Variants in NALCN observed in about 807,000 individuals in gnomAD.
NALCN encodes the protein sodium leak channel, non-selective.
In NALCN, 111 loss-of-function variants were observed where a neutral mutation model predicts 225.3. The ratio of observed to expected loss-of-function variants is 0.49; its 90% CI spans 0.42 to 0.58. The LOEUF (loss-of-function observed/expected upper bound fraction) is 0.58. NALCN is among the 20% of genes least tolerant of loss of function. The probability of loss-of-function intolerance (pLI) is 0.00; values close to 1 mark genes in which losing one functional copy is unlikely to be tolerated. For missense variants in NALCN, 1,378 were observed against 2,202.4 expected (o/e 0.63, Z 7.49); for synonymous variants, 764 against 769.0 (o/e 0.99, Z 0.11).
intron 15 of NALCN, among the ~76,000 whole-genome samples, chr13:101,162,898 A>G (rs1018220937): frequency 2.0e-5 from 3 of 152,058 alleles, no homozygotes; most frequent in Admixed American, 2.0e-4. Flanking sequence ...AAATCCCACT[A>G]TATTTTATTT....
chr13:101,089,582 G>C lies in NALCN; in HGVS notation c.3489+81C>G. ...TTACAGTTTAAAGCGGCTTCACGCC[G>C]CGTGTGAAAAGAAACAAATAGCTCA... is the stretch of plus-strand genomic sequence containing the variant. On this transcript the variant is annotated intron_variant, in intron 30 of 43. Coordinates refer to ENST00000251127, the MANE Select transcript of NALCN (RefSeq NM_052867.4). This position sits in a 1 kb window ranked among gnomAD's most constrained non-coding sequence, Gnocchi z 4.7. The C allele has an allele frequency of 3.2e-6, 4 of 1,258,062 alleles. No homozygotes were observed. Among genetic ancestry groups the C allele is most frequent in the Non-Finnish European group, 3.4e-6 (3 of 876,088 alleles). 77.9% of individuals were successfully genotyped at this position (1,258,062 alleles called of 1,614,324 possible). A position where few individuals can be genotyped will look rare whatever the true frequency, so the allele number is the denominator to read the frequency against.
intron 41 of NALCN, 124 bp downstream of exon 41, chr13:101,061,844 A>T: frequency 1.2e-6 from 1 of 864,294 alleles, no homozygotes; most frequent in Non-Finnish European, 1.7e-6. Flanking sequence ...CATAGTTTAA[A>T]GGGATAGAAG....
intron 7 of NALCN, among the ~76,000 whole-genome samples, chr13:101,333,128 A>C (rs745423189): frequency 2.0e-5 from 3 of 152,218 alleles, no homozygotes; most frequent in Non-Finnish European, 2.9e-5. Flanking sequence ...ACTGTGAGAA[A>C]GTATCTCCTA....
At chr13:101,097,863 T>C (rs1151378) in intron 27 of NALCN, among the ~76,000 whole-genome samples, 8,766 of 152,200 alleles carry the variant, frequency 0.058, 749 homozygotes, top group African/African-American at 0.19. Flanking sequence ...GGGAATGAAA[T>C]TAACACTCAC....
In NALCN at chr13:101,171,742, G is replaced by A. The variant is rs184210113; in HGVS notation, c.1839+4558C>T. 1.3e-4 allele frequency among the ~76,000 whole-genome samples: 20 copies of A among 152,224 alleles called. 1 individual carries two copies. In the East Asian group the frequency reaches 3.9e-3, roughly 29 times the overall value. ...ACTGGTGATGTCTTGGAGAGGCGGTGATGGGAATAAACACACCAGAGCCTC... is the reference window on the plus strand; with the variant it reads ...ACTGGTGATGTCTTGGAGAGGCGGTAATGGGAATAAACACACCAGAGCCTC... On this transcript the variant is annotated intron_variant, in intron 15 of 43. Transcript: ENST00000251127.
chr13:101,307,359 C>G (rs546379319), intron 7 of NALCN, among the ~76,000 whole-genome samples: 2 of 152,202 alleles, frequency 1.3e-5, no homozygotes, highest in South Asian at 4.1e-4. Context: ...TCCTGTTACA[C>G]ACCAGGCCTT....
chr13:101,393,265 C>T (rs1035845553), intron 3 of NALCN, among the ~76,000 whole-genome samples: 4 of 152,144 alleles, frequency 2.6e-5, no homozygotes, highest in Non-Finnish European at 5.9e-5. Context: ...AGTGGATTAC[C>T]GTTTCCCACC....
intron 7 of NALCN, among the ~76,000 whole-genome samples, chr13:101,332,327 A>T (rs1445959925): frequency 1.3e-5 from 2 of 151,422 alleles, no homozygotes; most frequent in Non-Finnish European, 2.9e-5. Context: ...ATAAGACAGC[A>T]AAGACAAAGG....
chr13:101,060,316 C>T (rs1319244397), intron 41 of NALCN, among the ~76,000 whole-genome samples: 4 of 120,704 alleles, frequency 3.3e-5, no homozygotes, highest in Non-Finnish European at 6.5e-5. Flanking sequence ...CACTATGTCC[C>T]GTAGACTAGA....
intron 33 of NALCN, among the ~76,000 whole-genome samples, chr13:101,082,039 G>C: frequency 6.6e-6 from 1 of 151,970 alleles, no homozygotes; most frequent in Admixed American, 6.6e-5. Flanking sequence ...AACCACTCCT[G>C]GCTAATTTTT....
At chr13:101,362,673 C>A (rs977243437) in intron 6 of NALCN, among the ~76,000 whole-genome samples, 2 of 152,030 alleles carry the variant, frequency 1.3e-5, no homozygotes, top group Non-Finnish European at 2.9e-5. Context: ...CTGCTAAGAT[C>A]TGGAACAAGA....
intron 43 of NALCN, 40 bp from the exon 44 acceptor site, chr13:101,055,528 T>C: frequency 6.4e-7 from 1 of 1,571,828 alleles, no homozygotes; most frequent in Non-Finnish European, 8.7e-7. Flanking sequence ...TTGGTATTGC[T>C]TCACCCTATT....
intron 40 of NALCN, among the ~76,000 whole-genome samples, 196 bp from the exon 41 acceptor site, chr13:101,062,314 TGATA>T (rs1263901701): frequency 3.3e-5 from 5 of 152,116 alleles, no homozygotes; most frequent in Admixed American, 6.6e-5. Flanking sequence ...AAAACAAAGA[TGATA>T]GATAGTCCTG....
intron 12 of NALCN, among the ~76,000 whole-genome samples, chr13:101,232,235 A>C (rs904548027): frequency 6.6e-6 from 1 of 152,106 alleles, no homozygotes; most frequent in East Asian, 1.9e-4. Context: ...TTTAACAGGA[A>C]GTATCAGTGG....
In NALCN at chr13:101,292,326, T is replaced by C; in HGVS notation, c.840A>G (p.Glu280=). 6.2e-7 allele frequency: 1 copy of C among 1,614,108 alleles called. No homozygotes were observed. The highest frequency in any genetic ancestry group is 8.5e-7 in the Non-Finnish European group (1 of 1,180,022). ...IFTVYEAASQ[E]GWVFLMYRAI... The stretch of plus-strand genomic sequence containing the variant: ...CTCTGTACATGAGGAACACCCAGCC[T>C]TCCTGTGAGGCGGCCTCATAGACGG... The change falls in exon 8 of 44, where the codon GAA becomes GAG. Residue 280 remains glutamate (E), a synonymous_variant. Coordinates refer to ENST00000251127, the MANE Select transcript of NALCN (RefSeq NM_052867.4). The surrounding 1 kb of genome is among the most constrained non-coding windows in gnomAD (Gnocchi z 4.3).
intron 7 of NALCN, among the ~76,000 whole-genome samples, chr13:101,294,444 A>T (rs1382209987): frequency 6.6e-6 from 1 of 152,166 alleles, no homozygotes; most frequent in African/African-American, 2.4e-5. Flanking sequence ...GTACCCCATA[A>T]ATATGTACAA....
intron 14 of NALCN, among the ~76,000 whole-genome samples, chr13:101,179,987 T>C (rs1244059025): frequency 6.6e-6 from 1 of 152,160 alleles, no homozygotes; most frequent in Non-Finnish European, 1.5e-5. Context: ...AGGCTTTCTC[T>C]CTGTGTCTTG....
At chr13:101,130,491 T>C (rs2036465880) in intron 17 of NALCN, among the ~76,000 whole-genome samples, 1 of 152,226 alleles carries the variant, frequency 6.6e-6, no homozygotes, top group Non-Finnish European at 1.5e-5. Context: ...TTAGGTTATC[T>C]GAGGCATGTT....
chr13:101,193,650 T>C (rs1413244), intron 13 of NALCN, among the ~76,000 whole-genome samples: 40,608 of 152,052 alleles, frequency 0.27, 5,856 homozygotes, highest in African/African-American at 0.37. Flanking sequence ...ATTTTTCTTG[T>C]TATGGTGCCC....
Sources: allele counts gnomAD v4.1 joint callset (sites outside exome capture counted in the v4.1 genomes callset), GRCh38; gene constraint gnomAD v4.1.1; non-coding constraint Gnocchi (gnomAD v3.1); transcripts MANE v1.5; gene names NCBI Gene and HGNC (gene_info 2026-07-23, HGNC 2026-07-21).